Variants in MAD1L1 observed in about 807,000 individuals in gnomAD.
The protein encoded by MAD1L1 is mitotic spindle assembly checkpoint protein MAD1.
A neutral mutation model predicts 96.9 loss-of-function variants in MAD1L1; 95 were observed. The ratio of observed to expected loss-of-function variants is 0.98; its 90% CI spans 0.83 to 1.16. MAD1L1 has a LOEUF of 1.16. MAD1L1 is among the 50% of genes most tolerant of loss of function. MAD1L1 has a pLI of 0.00. For missense variants in MAD1L1, 1,007 were observed against 954.4 expected, an observed-to-expected ratio of 1.06 and a Z score of -0.73; for synonymous variants, 473 against 396.6, an observed-to-expected ratio of 1.19 and a Z score of -2.29.
chr7:1,886,151 G>C (rs1305485301), intron 18 of MAD1L1, among the ~76,000 whole-genome samples: 1 of 152,182 alleles, frequency 6.6e-6, no homozygotes, highest in Non-Finnish European at 1.5e-5. Context: ...GTTCACTTCT[G>C]GGCACCTGGC....
At chr7:2,054,864 G>A (rs1210774812) in intron 12 of MAD1L1, among the ~76,000 whole-genome samples, 1 of 152,220 alleles carries the variant, frequency 6.6e-6, no homozygotes, top group East Asian at 1.9e-4. Flanking sequence ...CCGTGCCCTC[G>A]CAGTGATGGG....
intron 10 of MAD1L1, among the ~76,000 whole-genome samples, chr7:2,182,216 C>T (rs1303859331): frequency 1.3e-5 from 2 of 151,588 alleles, no homozygotes; most frequent in Non-Finnish European, 1.5e-5. Flanking sequence ...TTTTGTCCCA[C>T]AATAAGTCAT....
At chr7:1,926,623 G>GA (rs1280419318) in intron 17 of MAD1L1, among the ~76,000 whole-genome samples, 1 of 151,922 alleles carries the variant, frequency 6.6e-6, no homozygotes, top group Non-Finnish European at 1.5e-5. Flanking sequence ...CGGTGTAAGG[G>GA]AAAAAAAACA....
intron 10 of MAD1L1, 114 bp from the exon 11 acceptor site, chr7:2,149,352 G>A: frequency 1.2e-6 from 1 of 835,268 alleles, no homozygotes; most frequent in Admixed American, 2.0e-5. Context: ...CTGGGACCCA[G>A]GATGTGTGAA....
intron 18 of MAD1L1, chr7:1,817,643 G>C (rs898634346): frequency 1.3e-5 from 2 of 152,278 alleles, no homozygotes; most frequent in African/African-American, 4.8e-5. Context: ...TCGCGGCTGC[G>C]CACTGAATGT....
At chr7:1,829,074 A>AT (rs1782572963) in intron 18 of MAD1L1, among the ~76,000 whole-genome samples, 5 of 152,220 alleles carry the variant, frequency 3.3e-5, no homozygotes, top group African/African-American at 1.2e-4. Context: ...AAACGGAAAG[A>AT]CAGACATAAA....
intron 18 of MAD1L1, among the ~76,000 whole-genome samples, chr7:1,861,109 CCT>C (rs1163550944): frequency 6.6e-6 from 1 of 152,230 alleles, no homozygotes. Flanking sequence ...TCACCCTGCC[CCT>C]GACTGGACAA....
chr7:2,102,919 G>A (rs530051245), intron 11 of MAD1L1, among the ~76,000 whole-genome samples: 6 of 152,244 alleles, frequency 3.9e-5, no homozygotes, highest in South Asian at 2.1e-4. Context: ...CTCCTAAAGC[G>A]GGCCTCTCCT....
chr7:1,930,664 A>C (rs1305375178), intron 17 of MAD1L1, among the ~76,000 whole-genome samples: 2 of 147,982 alleles, frequency 1.4e-5, no homozygotes, highest in Non-Finnish European at 3.0e-5. Context: ...GGGGGCCCTG[A>C]TTCCCCAGAG....
chr7:2,127,014 C>T (rs1788263937), intron 11 of MAD1L1, among the ~76,000 whole-genome samples: 1 of 152,234 alleles, frequency 6.6e-6, no homozygotes, highest in Non-Finnish European at 1.5e-5. Context: ...AGTCACGAAG[C>T]ACATCCGAGG....
chr7:2,160,329 ATT>A (rs58004689), intron 10 of MAD1L1, among the ~76,000 whole-genome samples: 4,770 of 109,588 alleles, frequency 0.044, 182 homozygotes, highest in African/African-American at 0.15. Flanking sequence ...ACTGGATCCT[ATT>A]TTTTTTTTTT....
At chr7:1,884,818 C>T (rs1446683529) in intron 18 of MAD1L1, among the ~76,000 whole-genome samples, 1 of 152,256 alleles carries the variant, frequency 6.6e-6, no homozygotes, top group Non-Finnish European at 1.5e-5. Flanking sequence ...TGAGCCACAG[C>T]AGGGAGGCCA....
chr7:2,118,122 C>T (rs1243954135), intron 11 of MAD1L1, among the ~76,000 whole-genome samples: 1 of 152,172 alleles, frequency 6.6e-6, no homozygotes, highest in Non-Finnish European at 1.5e-5. Flanking sequence ...CCTGTGCACC[C>T]GACACTCATC....
At chr7:1,963,406 G>A (rs1013259911) in intron 15 of MAD1L1, among the ~76,000 whole-genome samples, 3 of 152,146 alleles carry the variant, frequency 2.0e-5, no homozygotes, top group East Asian at 1.9e-4. Flanking sequence ...AAAGCACGTC[G>A]GCGGGTTTGG....
At chr7:1,905,177 G>C (rs1229159009) in intron 17 of MAD1L1, among the ~76,000 whole-genome samples, 2 of 93,312 alleles carry the variant, frequency 2.1e-5, no homozygotes, top group East Asian at 3.5e-4. Flanking sequence ...AGGCAGTGAG[G>C]ACGCAGTGGC....
At chr7:2,107,242 G>C (rs373579397) in intron 11 of MAD1L1, among the ~76,000 whole-genome samples, 107 of 152,300 alleles carry the variant, frequency 7.0e-4, no homozygotes, top group African/African-American at 2.0e-3. Flanking sequence ...GTGAGGTCTC[G>C]CTGCCGGAGC....
chr7:1,954,915 C>T (rs750613804), intron 16 of MAD1L1, among the ~76,000 whole-genome samples: 24 of 152,124 alleles, frequency 1.6e-4, no homozygotes, highest in Non-Finnish European at 2.4e-4. Context: ...TGCACCCAGT[C>T]GGCCCTAATG....
intron 10 of MAD1L1, among the ~76,000 whole-genome samples, chr7:2,164,338 G>T (rs1199979830): frequency 6.6e-6 from 1 of 152,218 alleles, no homozygotes; most frequent in Non-Finnish European, 1.5e-5. Flanking sequence ...GCAGCCAGGT[G>T]AAGGGCCCAG....
intron 17 of MAD1L1, among the ~76,000 whole-genome samples, chr7:1,915,683 A>T (rs918654438): frequency 2.6e-5 from 4 of 152,228 alleles, no homozygotes; most frequent in Non-Finnish European, 5.9e-5. Flanking sequence ...AGTGCTTTTC[A>T]AAAAGCAAGT....
Sources: allele counts gnomAD v4.1 joint callset (sites outside exome capture counted in the v4.1 genomes callset), GRCh38; gene constraint gnomAD v4.1.1; transcripts MANE v1.5; gene names NCBI Gene and HGNC (gene_info 2026-07-23, HGNC 2026-07-21).